ESRRG: variants seen among roughly 807,000 people sequenced by gnomAD.
ESRRG encodes estrogen-related receptor gamma.
ESRRG carries 13 observed loss-of-function variants against 44.0 expected under a neutral mutation model. The observed-to-expected ratio is 0.30, with a 90% CI of 0.19 to 0.47. The LOEUF is 0.47. ESRRG is among the 20% of genes least tolerant of loss of function. The pLI is 1.00. For missense variants in ESRRG, 395 were observed against 580.6 expected (o/e 0.68, Z 3.29); for synonymous variants, 215 against 214.6 (o/e 1.00, Z -0.02).
At chr1:216,687,047 C>CTGTGTG (rs869071444) in intron 1 of ESRRG, among the ~76,000 whole-genome samples, 4 of 30,986 alleles carry the variant, frequency 1.3e-4, no homozygotes, top group East Asian at 1.4e-3. Context: ...GTGTGTGTGT[C>CTGTGTG]TGTGTGTGTG....
At chr1:216,648,786 A>AT (rs1221218721) in intron 3 of ESRRG, among the ~76,000 whole-genome samples, 1 of 152,144 alleles carries the variant, frequency 6.6e-6, no homozygotes, top group Non-Finnish European at 1.5e-5. Context: ...TGTTGTATTA[A>AT]TTTTAGAACT....
At chr1:216,806,404 T>G (rs147918947) in intron 2 of ESRRG, among the ~76,000 whole-genome samples, 1 of 152,180 alleles carries the variant, frequency 6.6e-6, no homozygotes, top group African/African-American at 2.4e-5. Flanking sequence ...CATAATTAGC[T>G]TGAGTTTGGG....
chr1:216,733,987 T>TAA (rs397796087), intron 2 of ESRRG, among the ~76,000 whole-genome samples: 14,188 of 106,956 alleles, frequency 0.13, 914 homozygotes, highest in Middle Eastern at 0.21. Context: ...CAAGACTCTG[T>TAA]AAAAAAAAAA....
At chr1:216,778,985 A>G in intron 2 of ESRRG, among the ~76,000 whole-genome samples, 1 of 149,104 alleles carries the variant, frequency 6.7e-6, no homozygotes. Context: ...TCACTCATCA[A>G]CTCTGTTATG....
intron 3 of ESRRG, among the ~76,000 whole-genome samples, chr1:216,613,877 T>A (rs567069828): frequency 1.3e-4 from 20 of 152,388 alleles, no homozygotes; most frequent in Non-Finnish European, 2.2e-4. Flanking sequence ...ACAAAGCTTT[T>A]ATCTTATTGT....
At chr1:216,900,911 G>A (rs2058991764) in intron 2 of ESRRG, among the ~76,000 whole-genome samples, 1 of 152,150 alleles carries the variant, frequency 6.6e-6, no homozygotes, top group Non-Finnish European at 1.5e-5. Flanking sequence ...TGCACTAAGG[G>A]TGTCACATTG....
At chr1:216,668,248 G>C (rs751348913) in intron 2 of ESRRG, among the ~76,000 whole-genome samples, 1 of 150,464 alleles carries the variant, frequency 6.6e-6, no homozygotes, top group Non-Finnish European at 1.5e-5. Context: ...AATTAATTTT[G>C]TTTGCCTAAT....
chr1:216,723,531 T>TG (rs1028882402), upstream of ESRRG: 6 of 519,294 alleles, frequency 1.2e-5, no homozygotes, highest in African/African-American at 3.9e-5. Context: ...CGCAGCCGAT[T>TG]GGGGGGCCTC....
At chr1:217,061,093 T>C (rs1453537117) in intron 1 of ESRRG, among the ~76,000 whole-genome samples, 1 of 152,108 alleles carries the variant, frequency 6.6e-6, no homozygotes, top group Non-Finnish European at 1.5e-5. Context: ...CTTAAGTTCT[T>C]CCATTCCAAA....
intron 2 of ESRRG, among the ~76,000 whole-genome samples, chr1:216,801,962 A>C (rs1268214900): frequency 6.6e-6 from 1 of 152,174 alleles, no homozygotes; most frequent in Non-Finnish European, 1.5e-5. Flanking sequence ...AACATTTTAT[A>C]AAAAGGAGAG....
chr1:216,731,036 C>G (rs905917039), intron 2 of ESRRG, among the ~76,000 whole-genome samples: 3 of 152,164 alleles, frequency 2.0e-5, no homozygotes, highest in African/African-American at 7.2e-5. Flanking sequence ...GCTGCCATAT[C>G]AGTACCTAAA....
rs115416553 is a variant in ESRRG, at chr1:216,963,104, G to A, written c.-105-23431C>T. ...TTGTTTGGAGATTTAATGAGATGAT[G>A]TGCTTAAAGCACTTTGTACACTATA... On this transcript the variant is annotated intron_variant, in intron 1 of 7. Coordinates refer to the ESRRG transcript ENST00000359162. 5.7e-3 allele frequency among the ~76,000 whole-genome samples: 862 copies of A among 152,272 alleles called. 7 individuals carry two copies. The highest frequency in any genetic ancestry group is 0.019 in the African/African-American group (781 of 41,562).
intron 1 of ESRRG, among the ~76,000 whole-genome samples, chr1:216,685,779 T>C (rs1200108687): frequency 2.0e-5 from 3 of 152,188 alleles, no homozygotes. Context: ...GATATGGAGA[T>C]CACAGTATTG....
intron 2 of ESRRG, among the ~76,000 whole-genome samples, chr1:216,831,645 G>T (rs2095489401): frequency 6.6e-6 from 1 of 152,114 alleles, no homozygotes; most frequent in South Asian, 2.1e-4. Flanking sequence ...ATTAATATTA[G>T]ATAAAAAATT....
chr1:216,510,784 CT>C (rs2042494360), intron 6 of ESRRG, among the ~76,000 whole-genome samples: 1 of 152,004 alleles, frequency 6.6e-6, no homozygotes, highest in African/African-American at 2.4e-5. Context: ...ACTCGGGAGG[CT>C]GAGGCATGAA....
intron 2 of ESRRG, among the ~76,000 whole-genome samples, chr1:216,735,826 A>G (rs536716797): frequency 6.6e-6 from 1 of 151,598 alleles, no homozygotes; most frequent in African/African-American, 2.4e-5. Flanking sequence ...TAAAAATACA[A>G]AAATTAGCCA....
intron 2 of ESRRG, chr1:216,936,668 A>C (rs551584392): frequency 1.3e-5 from 2 of 152,232 alleles, no homozygotes. Flanking sequence ...TTACTTTGAA[A>C]TAACATCATA....
chr1:216,777,748 C>T (rs2093667893), intron 2 of ESRRG, among the ~76,000 whole-genome samples: 2 of 152,112 alleles, frequency 1.3e-5, no homozygotes, highest in African/African-American at 2.4e-5. Flanking sequence ...CTCTCTCTTT[C>T]TTATACACAC....
intron 2 of ESRRG, among the ~76,000 whole-genome samples, chr1:216,829,906 G>T (rs1196007150): frequency 6.6e-6 from 1 of 152,112 alleles, no homozygotes. Context: ...ACCTCAGGAG[G>T]GGGATTCATG....
Sources: gnomAD v4.1 joint callset for allele counts (sites outside exome capture counted in the v4.1 genomes callset) on GRCh38, gnomAD v4.1.1 for gene constraint, MANE v1.5 for transcripts, NCBI Gene and HGNC (gene_info 2026-07-23, HGNC 2026-07-21) for gene names.